The following TJP1 variants were observed in gnomAD, a reference collection of about 807,000 sequenced individuals.
TJP1 encodes tight junction protein 1, also known as tight junction protein ZO-1.
A neutral mutation model predicts 194.2 loss-of-function variants in TJP1; 43 were observed. The ratio of observed to expected loss-of-function variants is 0.22; its 90% CI spans 0.17 to 0.29. The LOEUF (loss-of-function observed/expected upper bound fraction) is 0.29, where lower values mean the gene tolerates loss of function less well. Among genes scored for constraint, TJP1 ranks in the 10% least tolerant of loss-of-function variants. TJP1 has a pLI of 1.00. For synonymous variants in TJP1, 801 were observed against 779.0 expected (o/e 1.03, Z -0.47); for missense variants, 1,971 against 2,185.7 (o/e 0.90, Z 1.96).
intron 25 of TJP1, among the ~76,000 whole-genome samples, chr15:29,706,165 C>T (rs1030345137): frequency 1.3e-5 from 2 of 152,142 alleles, no homozygotes; most frequent in East Asian, 1.9e-4. Flanking sequence ...CTCCTGATCT[C>T]GTCGTGATCC....
intron 2 of TJP1, among the ~76,000 whole-genome samples, chr15:29,895,827 C>T (rs2053458827): frequency 6.6e-6 from 1 of 152,136 alleles, no homozygotes; most frequent in Admixed American, 6.5e-5. Flanking sequence ...AACAAAATAC[C>T]ATAGACAAAG....
At chr15:29,817,895 T>C (rs758802971) in intron 1 of TJP1, among the ~76,000 whole-genome samples, 1 of 152,006 alleles carries the variant, frequency 6.6e-6, no homozygotes, top group Non-Finnish European at 1.5e-5. Context: ...AAATACCTAA[T>C]GCATGTGGGG....
In TJP1 at chr15:29,813,902, G is replaced by A. The variant is rs1052645801; in HGVS notation, c.27+8100C>T. On this transcript the variant is annotated intron_variant, in intron 1 of 27. Coordinates refer to ENST00000614355, the MANE Select transcript of TJP1 (RefSeq NM_001330239.4). ...AAATATCTGCTGAATGTAAAATTCCGCTTTAGGAATCCAAATTGTTACATA... is the reference window on the plus strand; with the variant it reads ...AAATATCTGCTGAATGTAAAATTCCACTTTAGGAATCCAAATTGTTACATA... Among the ~76,000 whole-genome samples, 11 of 152,136 alleles carry A rather than the reference G, an allele frequency of 7.2e-5. No homozygotes were observed. The East Asian group carries it at 7.7e-4, about 11-fold the overall frequency.
chr15:29,717,978 T>C, intron 22 of TJP1, 43 bp downstream of exon 22: 2 of 1,527,100 alleles, frequency 1.3e-6, no homozygotes, highest in Non-Finnish European at 1.8e-6. Flanking sequence ...AGGGTTAAAT[T>C]CCTGGTCAGT....
intron 8 of TJP1, among the ~76,000 whole-genome samples, chr15:29,753,530 G>A (rs2151458572): frequency 6.9e-6 from 1 of 144,750 alleles, no homozygotes. Context: ...GATATTTATC[G>A]CCATACACTG....
At chr15:29,829,637 G>GAA (rs5811584) in intron 2 of TJP1, among the ~76,000 whole-genome samples, 1 of 138,152 alleles carries the variant, frequency 7.2e-6, no homozygotes, top group African/African-American at 2.7e-5. Flanking sequence ...TTAAAAAAAA[G>GAA]AAAAAAAAAA....
chr15:29,794,565 A>C (rs1025320033), intron 2 of TJP1, among the ~76,000 whole-genome samples: 1 of 152,208 alleles, frequency 6.6e-6, no homozygotes, highest in Non-Finnish European at 1.5e-5. Context: ...AATATTGAGG[A>C]TCTTTCCCAC....
At chr15:29,908,014 T>C (rs2053875088) in intron 2 of TJP1, among the ~76,000 whole-genome samples, 2 of 86,328 alleles carry the variant, frequency 2.3e-5, no homozygotes, top group Admixed American at 1.6e-4. Flanking sequence ...CGATAGAAAT[T>C]TGGAAGATAA....
intron 15 of TJP1, chr15:29,731,079 C>CCTT (rs1472574240): frequency 1.5e-5 from 9 of 596,678 alleles, no homozygotes; most frequent in Non-Finnish European, 2.3e-5. Context: ...TTTTGTTTTA[C>CCTT]TTTTTTTTTT....
chr15:29,898,670 G>A (rs1284456529), intron 2 of TJP1, among the ~76,000 whole-genome samples: 1 of 152,158 alleles, frequency 6.6e-6, no homozygotes, highest in Non-Finnish European at 1.5e-5. Flanking sequence ...CTTTCTGAGT[G>A]CCAACATGAT....
At chr15:29,751,851 T>A (rs967728793) in intron 8 of TJP1, among the ~76,000 whole-genome samples, 5 of 152,246 alleles carry the variant, frequency 3.3e-5, no homozygotes, top group African/African-American at 1.2e-4. Context: ...TTGCCATTTT[T>A]AAATATTGTA....
At chr15:29,817,976 G>A (rs1391678895) in intron 1 of TJP1, among the ~76,000 whole-genome samples, 3 of 151,442 alleles carry the variant, frequency 2.0e-5, no homozygotes, top group Admixed American at 6.6e-5. Context: ...TGTAACAAAT[G>A]TGCACATTCT....
intron 2 of TJP1, among the ~76,000 whole-genome samples, chr15:29,834,626 G>A (rs2050964946): frequency 6.6e-6 from 1 of 152,218 alleles, no homozygotes; most frequent in African/African-American, 2.4e-5. Context: ...TGAGGTTAAT[G>A]ACACAAAAAG....
intron 2 of TJP1, among the ~76,000 whole-genome samples, chr15:29,786,232 T>C (rs2047690807): frequency 1.3e-5 from 2 of 152,182 alleles, no homozygotes; most frequent in African/African-American, 4.8e-5. Flanking sequence ...ATTCTTTTAG[T>C]TCTGATACCC....
intron 1 of TJP1, among the ~76,000 whole-genome samples, chr15:29,821,757 G>A (rs1490832097): frequency 6.6e-6 from 1 of 151,152 alleles, no homozygotes; most frequent in Admixed American, 6.6e-5. Flanking sequence ...CACCTGCCCA[G>A]TACGGCGGCC....
At chr15:29,760,346 A>C (rs1199427336) in intron 8 of TJP1, 1 of 678,588 alleles carries the variant, frequency 1.5e-6, no homozygotes, top group East Asian at 2.7e-5. Context: ...ATATACTACC[A>C]GTATACCAGA....
At chr15:29,718,141 A>AT in intron 21 of TJP1, 23 bp from the exon 22 acceptor site, 1 of 1,588,754 alleles carries the variant, frequency 6.3e-7, no homozygotes, top group Non-Finnish European at 8.5e-7. Flanking sequence ...AAAAAAAAAA[A>AT]AAAGACAAAT....
intron 1 of TJP1, among the ~76,000 whole-genome samples, chr15:29,816,380 AG>A (rs920454456): frequency 1.4e-4 from 21 of 152,146 alleles, no homozygotes; most frequent in African/African-American, 3.6e-4. Context: ...CTGGGGGGGA[AG>A]AACACCACAA....
rs1385930134 is a variant in TJP1 at position 29,822,089 on chromosome 15, G to T, written c.-61C>A. On this transcript the variant is annotated 5_prime_UTR_variant, in exon 1 of 28. Coordinates refer to ENST00000614355, the MANE Select transcript of TJP1 (RefSeq NM_001330239.4). ...ACCCGAAACTCCGCGGCGCTGGCCC[G>T]CCCGCTCCTCACGCCACAGCCCAAA... 2.3e-5 allele frequency: 29 copies of T among 1,241,190 alleles called. No homozygotes were observed. The highest frequency in any genetic ancestry group is 2.8e-5 in the Non-Finnish European group (28 of 991,666). The allele number at this position is 1,241,190 out of a possible 1,614,324, so 76.9% of individuals were successfully genotyped here.
Sources: allele counts gnomAD v4.1 joint callset (sites outside exome capture counted in the v4.1 genomes callset), GRCh38; gene constraint gnomAD v4.1.1; transcripts MANE v1.5; gene names NCBI Gene and HGNC (gene_info 2026-07-23, HGNC 2026-07-21).